TTC19: variants seen among roughly 807,000 people sequenced by gnomAD.
The protein encoded by TTC19 is tetratricopeptide repeat domain 19, also known as tetratricopeptide repeat protein 19, mitochondrial.
A neutral mutation model predicts 49.5 loss-of-function variants in TTC19; 38 were observed. The ratio of observed to expected loss-of-function variants is 0.77; its 90% confidence interval spans 0.59 to 1.01. The LOEUF is 1.01. TTC19 is among the 50% of genes least tolerant of loss of function. The pLI is 0.00. For synonymous variants in TTC19, 204 were observed against 185.2 expected (o/e 1.10, Z -0.83); for missense variants, 475 against 477.7 (o/e 0.99, Z 0.05).
At position 16,029,251 on chromosome 17, in the gene TTC19, G is replaced by C. The variant is rs1971743970; in HGVS notation, c.*1729G>C. On this transcript the variant is annotated 3_prime_UTR_variant, in exon 10 of 10. Transcript: ENST00000261647. ...TGTTGGAAACACTAGGAGTTTTCAGGACAGTCTCTTCATGTGGGTGTTTTC... is the reference window on the plus strand; with the variant it reads ...TGTTGGAAACACTAGGAGTTTTCAGCACAGTCTCTTCATGTGGGTGTTTTC... 1 of 453,712 alleles carries C rather than the reference G, an allele frequency of 2.2e-6. No individual in the cohort carries two copies. Among genetic ancestry groups the C allele is most frequent in the East Asian group, 6.9e-5 (1 of 14,400 alleles). The allele number at this position is 453,712 out of a possible 1,614,324, so 28.1% of individuals were successfully genotyped here.
chr17:16,038,906 G>A (rs1439264487), intron 2 of TTC19, among the ~76,000 whole-genome samples: 7 of 152,142 alleles, frequency 4.6e-5, no homozygotes, highest in Non-Finnish European at 1.0e-4. Context: ...GAGTACCTGG[G>A]ATTACAGGCA....
intron 7 of TTC19, among the ~76,000 whole-genome samples, chr17:16,023,116 A>G (rs1394509413): frequency 6.6e-6 from 1 of 152,162 alleles, no homozygotes; most frequent in African/African-American, 2.4e-5. Flanking sequence ...ACGTTTTCTA[A>G]AAGTTCAGTA....
chr17:16,011,095 A>G (rs149804227), intron 7 of TTC19, among the ~76,000 whole-genome samples: 1 of 152,328 alleles, frequency 6.6e-6, no homozygotes, highest in East Asian at 1.9e-4. Flanking sequence ...TTCAATTCAT[A>G]AGCTTTCCCA....
chr17:16,005,591 G>A (rs546793249), intron 6 of TTC19, among the ~76,000 whole-genome samples: 298 of 152,278 alleles, frequency 2.0e-3, no homozygotes, highest in Non-Finnish European at 3.0e-3. Context: ...GCAGTCAGTC[G>A]GCCTGCTTGG....
chr17:16,002,817 G>T lies in TTC19; in HGVS notation c.448G>T (p.Gly150Cys), dbSNP rs1970782923. ...DLMANLAFIRGQLENAEQLFK... is the reference protein window; with the variant it reads ...DLMANLAFIRCQLENAEQLFK... ...GATGGCCAACTTAGCATTTATACGGGGTCAGCTTGAAAATGTAAGTAAATT... is the reference window on the plus strand; with the variant it reads ...GATGGCCAACTTAGCATTTATACGGTGTCAGCTTGAAAATGTAAGTAAATT... The change falls in exon 4 of 10, where the codon GGT (glycine) becomes TGT (cysteine). Residue 150 changes from glycine to cysteine, a missense_variant. Coordinates refer to ENST00000261647, the MANE Select transcript of TTC19 (RefSeq NM_017775.4). 3 of 1,613,828 alleles carry T rather than the reference G, an allele frequency of 1.9e-6. No homozygotes were observed. The highest frequency in any genetic ancestry group is 2.7e-5 in the African/African-American group (2 of 74,978).
rs371062891 is a variant in TTC19 at position 16,027,778 on chromosome 17, T to C, written c.*256T>C. On this transcript the variant is annotated 3_prime_UTR_variant, in exon 10 of 10. Transcript: ENST00000261647. ...CTTTCAGTTGTAACACGTGACTTGG[T>C]GCTGTCCCTGCTGGTCTAAGTAGAA... 4 of 550,152 alleles carry C rather than the reference T, an allele frequency of 7.3e-6. No individual in the cohort carries two copies. Among genetic ancestry groups the C allele is most frequent in the East Asian group, 8.2e-5 (2 of 24,464 alleles). 34.1% of individuals were successfully genotyped at this position (550,152 alleles called of 1,614,324 possible).
chr17:16,042,291 G>A (rs2057861342), intron 2 of TTC19, among the ~76,000 whole-genome samples: 1 of 114,644 alleles, frequency 8.7e-6, no homozygotes, highest in Non-Finnish European at 1.8e-5. Context: ...GAAGTGTGTG[G>A]AACAGGAGTC....
intron 7 of TTC19, among the ~76,000 whole-genome samples, chr17:16,020,090 C>A (rs1971326638): frequency 6.6e-6 from 1 of 152,082 alleles, no homozygotes; most frequent in Non-Finnish European, 1.5e-5. Context: ...GAGATCAAGC[C>A]ACTGCAAGAC....
exon 3 of TTC19, chr17:16,044,938 T>A (rs1044784289): frequency 1.6e-5 from 10 of 629,656 alleles, no homozygotes; most frequent in African/African-American, 1.5e-4. Flanking sequence ...GATGATGACA[T>A]GGGCTTTTGG....
At chr17:16,017,309 C>T (rs1971242905) in intron 7 of TTC19, among the ~76,000 whole-genome samples, 1 of 151,928 alleles carries the variant, frequency 6.6e-6, no homozygotes, top group African/African-American at 2.4e-5. Flanking sequence ...ATTAGCCAGG[C>T]ATGGTGACGG....
intron 2 of TTC19, chr17:16,039,815 G>A: frequency 1.6e-6 from 1 of 639,360 alleles, no homozygotes; most frequent in Non-Finnish European, 2.7e-6. Flanking sequence ...TGGAGACAGA[G>A]TCTCTCTCTG....
chr17:16,000,187 C>T lies in TTC19; in HGVS notation c.254C>T (p.Ala85Val). Residue 85 changes from alanine (A) to valine (V), a missense_variant, in exon 2 of 10, where the codon GCC (alanine) becomes GTC (valine). Transcript: ENST00000261647. ...CAGCAGGGAGCCGACGGGGCCGCTG[C>T]CGAGGACGGGGCGGACGAGGCCGAG... is the stretch of plus-strand genomic sequence containing the variant. ...EEQQGADGAA[A>V]EDGADEAEAE... 5.6e-6 allele frequency: 9 copies of T among 1,593,648 alleles called. No individual in the cohort carries two copies. Among genetic ancestry groups the T allele is most frequent in the Non-Finnish European group, 7.6e-6 (9 of 1,178,504 alleles).
chr17:16,018,311 C>T (rs762459514), intron 7 of TTC19, among the ~76,000 whole-genome samples: 2 of 152,140 alleles, frequency 1.3e-5, no homozygotes, highest in Non-Finnish European at 2.9e-5. Context: ...TCTATTCTGG[C>T]TCAATGCTTC....
At position 16,040,502 on chromosome 17, in the gene TTC19, T is replaced by C. The variant is rs1237151225; in HGVS notation, c.248-4001T>C. On this transcript the variant is annotated intron_variant, in intron 2 of 2. Transcript: ENST00000470649. ...TTCCTGGCTGAGCAGCTGCTATATTTAAGCAAACATTCAAGTTAATTAAGA... is the reference window on the plus strand; with the variant it reads ...TTCCTGGCTGAGCAGCTGCTATATTCAAGCAAACATTCAAGTTAATTAAGA... 5 of 1,612,472 alleles carry C rather than the reference T, an allele frequency of 3.1e-6. No individual in the cohort carries two copies. In the Admixed American group the frequency reaches 5.0e-5, roughly 16 times the overall value.
intron 7 of TTC19, among the ~76,000 whole-genome samples, chr17:16,010,721 C>CTT (rs1971046074): frequency 6.6e-6 from 1 of 152,200 alleles, no homozygotes; most frequent in Non-Finnish European, 1.5e-5. Flanking sequence ...ATCCGCCTGC[C>CTT]TTTGCCTCCC....
At chr17:16,038,806 C>CT (rs1402460962) in intron 2 of TTC19, among the ~76,000 whole-genome samples, 1 of 151,764 alleles carries the variant, frequency 6.6e-6, no homozygotes, top group Non-Finnish European at 1.5e-5. Flanking sequence ...GAGTCTCACT[C>CT]TGTTTCCAGG....
intron 2 of TTC19, chr17:16,039,659 AAG>A (rs2057167846): frequency 6.2e-7 from 1 of 1,609,960 alleles, no homozygotes; most frequent in Non-Finnish European, 8.5e-7. Flanking sequence ...CTGAGCCTGA[AAG>A]AGAATCAAAA....
intron 7 of TTC19, among the ~76,000 whole-genome samples, chr17:16,011,696 CTG>C (rs1971074368): frequency 6.6e-6 from 1 of 152,132 alleles, no homozygotes; most frequent in African/African-American, 2.4e-5. Flanking sequence ...ATTGAAAGGA[CTG>C]TGTTAATTTA....
At chr17:16,004,000 T>C in intron 5 of TTC19, 113 bp downstream of exon 5, 1 of 1,258,690 alleles carries the variant, frequency 7.9e-7, no homozygotes, top group East Asian at 2.4e-5. Flanking sequence ...AGGTGGAGTT[T>C]CCCTTCTGAG....
Sources: allele counts gnomAD v4.1 joint callset (sites outside exome capture counted in the v4.1 genomes callset), GRCh38; gene constraint gnomAD v4.1.1; transcripts MANE v1.5; gene names NCBI Gene and HGNC (gene_info 2026-07-23, HGNC 2026-07-21).